Variants in GALNT18 observed in about 807,000 individuals in gnomAD.
GALNT18 encodes GalNAc-transferase 18.
In GALNT18, 44 loss-of-function variants were observed where a neutral mutation model predicts 69.5. The ratio of observed to expected loss-of-function variants is 0.63; its 90% CI spans 0.50 to 0.81. GALNT18 has a LOEUF of 0.81. GALNT18 is among the 40% of genes least tolerant of loss of function. The probability of loss-of-function intolerance (pLI) is 0.00; values close to 1 mark genes in which losing one functional copy is unlikely to be tolerated. For missense variants in GALNT18, 715 were observed against 810.0 expected, an observed-to-expected ratio of 0.88 and a Z score of 1.42; for synonymous variants, 364 against 318.2, an observed-to-expected ratio of 1.14 and a Z score of -1.53.
In GALNT18 at chr11:11,444,193, A is replaced by C. The variant is rs1564952383; in HGVS notation, c.428+4551T>G. Among the ~76,000 whole-genome samples, 1 of 152,016 alleles carries C rather than the reference A, an allele frequency of 6.6e-6. No individual in the cohort carries two copies. Among genetic ancestry groups the C allele is most frequent in the Non-Finnish European group, 1.5e-5 (1 of 67,976 alleles). On this transcript the variant is annotated intron_variant, in intron 2 of 10. Coordinates refer to ENST00000227756, the MANE Select transcript of GALNT18 (RefSeq NM_198516.3). This position sits in a 1 kb window ranked among gnomAD's most constrained non-coding sequence, Gnocchi z 4.4. ...TCCCTGCCACAGAGAGGTGCCTTGC[A>C]GATGCCACCCTCCAGGCCCCGCCTC... is the stretch of plus-strand genomic sequence containing the variant.
intron 1 of GALNT18, among the ~76,000 whole-genome samples, chr11:11,502,438 C>T (rs554564457): frequency 3.3e-5 from 5 of 152,310 alleles, no homozygotes; most frequent in Middle Eastern, 3.4e-3. Flanking sequence ...AAGAGGCCTT[C>T]GCCATACTCT....
intron 10 of GALNT18, 132 bp downstream of exon 10, chr11:11,292,897 G>T (rs1849327724): frequency 9.0e-6 from 7 of 778,480 alleles, no homozygotes; most frequent in Middle Eastern, 3.5e-4. Flanking sequence ...GCAGTCTGGA[G>T]CCACAGCCTC....
At position 11,621,431 on chromosome 11, in the gene GALNT18, C is replaced by T. The variant is rs1293960790; in HGVS notation, c.163G>A (p.Asp55Asn). ...EPAPDKKLEE[D>N]KGDTLKIIER... The stretch of plus-strand genomic sequence containing the variant: ...ATAATCTTCAGAGTGTCCCCTTTGT[C>T]TTCCTCCAGCTTCTTGTCGGGCGCC... Residue 55 changes from aspartate to asparagine, a missense_variant, in exon 1 of 11, where the codon GAC (aspartate) becomes AAC (asparagine). By Grantham distance (23) the Asp-to-Asn change is conservative (BLOSUM62 1). Transcript: ENST00000227756. This position sits in a 1 kb window ranked among gnomAD's most constrained non-coding sequence, Gnocchi z 9.3. 1.2e-6 allele frequency: 2 copies of T among 1,614,048 alleles called. No individual in the cohort carries two copies. Among genetic ancestry groups the T allele is most frequent in the Non-Finnish European group, 8.5e-7 (1 of 1,180,032 alleles).
At chr11:11,300,607 G>GTGAT (rs1434970832) in intron 9 of GALNT18, among the ~76,000 whole-genome samples, 9 of 152,168 alleles carry the variant, frequency 5.9e-5, no homozygotes. Flanking sequence ...ACATAATGGG[G>GTGAT]TGATTGCAAA....
At position 11,601,813 on chromosome 11, in the gene GALNT18, A is replaced by G. The variant is rs1859641596; in HGVS notation, c.235+19546T>C. ...AACAAAACCTGTTTTTTTCTCATCA[A>G]TGTTATAACAAAACAACATTGAAGG... On this transcript the variant is annotated intron_variant, in intron 1 of 10. Transcript: ENST00000227756. The surrounding 1 kb of genome is among the most constrained non-coding windows in gnomAD (Gnocchi z 4.0). 6.6e-6 allele frequency among the ~76,000 whole-genome samples: 1 copy of G among 152,186 alleles called. No homozygotes were observed. The highest frequency in any genetic ancestry group is 2.4e-5 in the African/African-American group (1 of 41,434).
At position 11,496,719 on chromosome 11, in the gene GALNT18, C is replaced by T. The variant is rs143408344; in HGVS notation, c.236-47783G>A. 7.1e-4 allele frequency among the ~76,000 whole-genome samples: 107 copies of T among 150,838 alleles called. No individual in the cohort carries two copies. The highest frequency in any genetic ancestry group is 2.5e-3 in the African/African-American group (102 of 41,348). ...GAGCCTCGGTTTCCTTGTGAGGATCCCCCACTACTCTGAATCCACCCACCT... is the reference window on the plus strand; with the variant it reads ...GAGCCTCGGTTTCCTTGTGAGGATCTCCCACTACTCTGAATCCACCCACCT... On this transcript the variant is annotated intron_variant, in intron 1 of 10. Coordinates refer to ENST00000227756, the MANE Select transcript of GALNT18 (RefSeq NM_198516.3). The surrounding 1 kb of genome is among the most constrained non-coding windows in gnomAD (Gnocchi z 4.0).
At chr11:11,442,205 C>T (rs965357448) in intron 2 of GALNT18, among the ~76,000 whole-genome samples, 3 of 152,116 alleles carry the variant, frequency 2.0e-5, no homozygotes, top group Admixed American at 6.5e-5. Context: ...CATCAGTGGC[C>T]GATGAAGTCT....
rs983927860 is a variant in GALNT18, at chr11:11,497,570, T to C, written c.236-48634A>G. ...AGGTTCTCGTATGAATGAAATGAGA[T>C]TATTATCTATAAAGAATTTTGTGGA... On this transcript the variant is annotated intron_variant, in intron 1 of 10. Coordinates refer to ENST00000227756, the MANE Select transcript of GALNT18 (RefSeq NM_198516.3). The surrounding 1 kb of genome is among the most constrained non-coding windows in gnomAD (Gnocchi z 4.2). Among the ~76,000 whole-genome samples, 3 of 152,118 alleles carry C rather than the reference T, an allele frequency of 2.0e-5. No homozygotes were observed. Among genetic ancestry groups the C allele is most frequent in the Non-Finnish European group, 2.9e-5 (2 of 68,036 alleles).
intron 1 of GALNT18, among the ~76,000 whole-genome samples, chr11:11,460,112 C>A (rs1402500228): frequency 6.6e-6 from 1 of 152,294 alleles, no homozygotes; most frequent in Non-Finnish European, 1.5e-5. Context: ...CACACCTGGG[C>A]AATACAGGCT....
chr11:11,463,693 A>G lies in GALNT18; in HGVS notation c.236-14757T>C, dbSNP rs955409759. Among the ~76,000 whole-genome samples, 1 of 152,230 alleles carries G rather than the reference A, an allele frequency of 6.6e-6. No individual in the cohort carries two copies. Among genetic ancestry groups the G allele is most frequent in the Admixed American group, 6.5e-5 (1 of 15,292 alleles). ...AAAAACTGAACAAACAGGCCCTCCC[A>G]ACCCCAGGCCCTGGCAGGATAGGGA... On this transcript the variant is annotated intron_variant, in intron 1 of 10. Transcript: ENST00000227756. This position sits in a 1 kb window ranked among gnomAD's most constrained non-coding sequence, Gnocchi z 4.2.
rs184573119 is a variant in GALNT18, at chr11:11,272,692, A to T, written c.1678-1402T>A. Reference sequence around the variant, plus strand: ...AGGCTAAGCTGCAACCATGTATCAAAGCTCAACTCCTCCATTTCCTCCAGG... The same window carrying T: ...AGGCTAAGCTGCAACCATGTATCAATGCTCAACTCCTCCATTTCCTCCAGG... On this transcript the variant is annotated intron_variant, in intron 10 of 10. Coordinates refer to ENST00000227756, the MANE Select transcript of GALNT18 (RefSeq NM_198516.3). 2.1e-3 allele frequency among the ~76,000 whole-genome samples: 325 copies of T among 152,332 alleles called. 1 individual carries two copies. The highest frequency in any genetic ancestry group is 7.6e-3 in the African/African-American group (316 of 41,570).
In GALNT18 at chr11:11,573,376, G is replaced by T. The variant is rs76290832; in HGVS notation, c.235+47983C>A. 1.3e-5 allele frequency: 2 copies of T among 152,314 alleles called. No homozygotes were observed. The highest frequency in any genetic ancestry group is 4.8e-5 in the African/African-American group (2 of 41,562). The allele number at this position is 152,314 out of a possible 1,614,324, so 9.4% of individuals were successfully genotyped here. On this transcript the variant is annotated intron_variant, in intron 1 of 10. Transcript: ENST00000227756. This position sits in a 1 kb window ranked among gnomAD's most constrained non-coding sequence, Gnocchi z 4.6. ...TGCCTGCTCCTTCTCTTACACTAAGGTACATGTGCCCACCTAAGTATCAGC... is the reference window on the plus strand; with the variant it reads ...TGCCTGCTCCTTCTCTTACACTAAGTTACATGTGCCCACCTAAGTATCAGC...
At chr11:11,352,189 A>G (rs753688152) in intron 6 of GALNT18, 1 of 1,613,672 alleles carries the variant, frequency 6.2e-7, no homozygotes, top group Admixed American at 1.7e-5. Context: ...GTAAGCCGTG[A>G]CTGGTGGTCA....
At chr11:11,281,295 T>C (rs1849069679) in intron 10 of GALNT18, among the ~76,000 whole-genome samples, 1 of 152,220 alleles carries the variant, frequency 6.6e-6, no homozygotes, top group South Asian at 2.1e-4. Context: ...TCTGGTTTCA[T>C]TGTCTGCAGG....
intron 9 of GALNT18, among the ~76,000 whole-genome samples, chr11:11,301,548 A>G (rs1332372579): frequency 6.6e-6 from 1 of 152,212 alleles, no homozygotes; most frequent in South Asian, 2.1e-4. Context: ...TATAAGCACC[A>G]TTCTCCATTA....
At chr11:11,533,055 T>G (rs768399815) in intron 1 of GALNT18, among the ~76,000 whole-genome samples, 15 of 152,124 alleles carry the variant, frequency 9.9e-5, no homozygotes, top group Non-Finnish European at 1.9e-4. Flanking sequence ...TGCCCCCTCA[T>G]AGTAACCAGT....
At chr11:11,565,531 A>T (rs892011133) in intron 1 of GALNT18, among the ~76,000 whole-genome samples, 1 of 152,228 alleles carries the variant, frequency 6.6e-6, no homozygotes, top group African/African-American at 2.4e-5. Flanking sequence ...AAGGAGCAGA[A>T]GAAAAAGGAG....
At chr11:11,380,334 G>A (rs1415971238) in intron 3 of GALNT18, among the ~76,000 whole-genome samples, 2 of 152,184 alleles carry the variant, frequency 1.3e-5, no homozygotes, top group Non-Finnish European at 2.9e-5. Context: ...ACTTCTCTAG[G>A]TCAAATATCT....
Position 11,494,453 on chromosome 11 carries a change from C to T in GALNT18, c.236-45517G>A, listed in dbSNP as rs2133889713. 6.6e-6 allele frequency among the ~76,000 whole-genome samples: 1 copy of T among 152,342 alleles called. No individual in the cohort carries two copies. The highest frequency in any genetic ancestry group is 2.1e-4 in the South Asian group (1 of 4,816). ...GGACTGCCACATCCAAGAGGTTTCA[C>T]ACCATCTTAGTGTCCTGCAAAGCTC... On this transcript the variant is annotated intron_variant, in intron 1 of 10. Coordinates refer to ENST00000227756, the MANE Select transcript of GALNT18 (RefSeq NM_198516.3). The surrounding 1 kb of genome is among the most constrained non-coding windows in gnomAD (Gnocchi z 5.7).
Sources: allele counts gnomAD v4.1 joint callset (sites outside exome capture counted in the v4.1 genomes callset), GRCh38; gene constraint gnomAD v4.1.1; non-coding constraint Gnocchi (gnomAD v3.1); transcripts MANE v1.5; gene names NCBI Gene and HGNC (gene_info 2026-07-23, HGNC 2026-07-21).